FANCA: variants seen among roughly 807,000 people sequenced by gnomAD.
FANCA encodes FA complementation group A.
FANCA carries 236 observed loss-of-function variants against 194.3 expected under a neutral mutation model. The observed-to-expected ratio is 1.21, with a 90% CI of 1.09 to 1.35. The LOEUF (loss-of-function observed/expected upper bound fraction) is 1.35, where lower values mean the gene tolerates loss of function less well. Ranked by LOEUF, FANCA falls within the 40% of genes most tolerant of loss-of-function variation. The probability of loss-of-function intolerance (pLI) is 0.00; values close to 1 mark genes in which losing one functional copy is unlikely to be tolerated. For synonymous variants in FANCA, 1,014 were observed against 715.8 expected (o/e 1.42, Z -6.65); for missense variants, 2,628 against 1,813.9 (o/e 1.45, Z -8.15).
At chr16:89,779,433 A>G (rs1015159888) in intron 18 of FANCA, among the ~76,000 whole-genome samples, 1 of 152,038 alleles carries the variant, frequency 6.6e-6, no homozygotes, top group Non-Finnish European at 1.5e-5. Context: ...TACTGACTCC[A>G]TATTGGTCAC....
intron 21 of FANCA, 69 bp downstream of exon 21, chr16:89,775,673 A>G: frequency 7.6e-7 from 1 of 1,313,188 alleles, no homozygotes; most frequent in South Asian, 1.2e-5. Flanking sequence ...GTGTAGCACA[A>G]CAGACACTCA....
In FANCA at chr16:89,816,631, A is replaced by G. The variant is rs1309241098; in HGVS notation, c.-16T>C. The G allele has an allele frequency of 6.6e-7, 1 of 1,517,852 alleles. No homozygotes were observed. The highest frequency in any genetic ancestry group is 1.2e-5 in the South Asian group (1 of 82,316). The allele number at this position is 1,517,852 out of a possible 1,614,324, so 94.0% of individuals were successfully genotyped here. ...AGTCGGACATGGCCTTGGCGCCTAC[A>G]GCCCCGGCGGCGGCTCCCTGCGCCC... is the stretch of plus-strand genomic sequence containing the variant. On this transcript the variant is annotated 5_prime_UTR_variant, in exon 1 of 43. Transcript: ENST00000389301.
chr16:89,782,994 A>AG lies in FANCA; in HGVS notation c.1566+12dup. Reference sequence around the variant, plus strand: ...GGACAGGTGTGAGGAGTGGGCATGGAGGGACAGCTTGCCTTGAGGTCGGCC... The same window carrying AG: ...GGACAGGTGTGAGGAGTGGGCATGGAGGGGACAGCTTGCCTTGAGGTCGGCC... On this transcript the variant is annotated intron_variant, in intron 16 of 42. Transcript: ENST00000389301. 6.2e-7 allele frequency: 1 copy of AG among 1,613,322 alleles called. No individual in the cohort carries two copies. The highest frequency in any genetic ancestry group is 8.5e-7 in the Non-Finnish European group (1 of 1,179,240).
chr16:89,816,307 A>C, intron 1 of FANCA: 1 of 243,760 alleles, frequency 4.1e-6, no homozygotes. Flanking sequence ...GCGTTCGGGA[A>C]AGAAGGGAGC....
intron 17 of FANCA, among the ~76,000 whole-genome samples, chr16:89,782,316 T>C (rs189684510): frequency 1.6e-3 from 244 of 151,088 alleles, no homozygotes; most frequent in East Asian, 9.2e-3. Context: ...TTGAGACCAT[T>C]CTGGCTAACA....
chr16:89,770,140 G>A, intron 25 of FANCA, 26 bp downstream of exon 25: 1 of 1,575,000 alleles, frequency 6.3e-7, no homozygotes, highest in Non-Finnish European at 8.6e-7. Flanking sequence ...GCCCCCAAGG[G>A]TGGCCCCCAT....
rs2038406980 is a variant in FANCA at position 89,746,817 on chromosome 16, A to AG, written c.3408+13dup. 6.4e-7 allele frequency: 1 copy of AG among 1,569,274 alleles called. No individual in the cohort carries two copies. On this transcript the variant is annotated intron_variant, in intron 34 of 42. Transcript: ENST00000389301. ...TCTGAGAAGGCCACGAGAGGGGCTGAGGGAGCATCTCACCCTGAAGAAGTG... is the reference window on the plus strand; with the variant it reads ...TCTGAGAAGGCCACGAGAGGGGCTGAGGGGAGCATCTCACCCTGAAGAAGTG...
Position 89,769,893 on chromosome 16 carries a change from C to T in FANCA, c.2448G>A (p.Ala816=), listed in dbSNP as rs752705496. 9.9e-6 allele frequency: 16 copies of T among 1,613,982 alleles called. No homozygotes were observed. Among genetic ancestry groups the T allele is most frequent in the South Asian group, 4.4e-5 (4 of 91,082 alleles). ...PAPGAGLPVP[A]LFDSLLTCRT... is the part of the protein sequence containing the mutation. Reference sequence around the variant, plus strand: ...TACAGGTCAGGAGGCTGTCAAAGAGCGCAGGGACAGGAAGGCCAGCACCAG... The same window carrying T: ...TACAGGTCAGGAGGCTGTCAAAGAGTGCAGGGACAGGAAGGCCAGCACCAG... Residue 816 remains alanine (A), a synonymous_variant, in exon 26 of 43, where the codon GCG becomes GCA. Coordinates refer to ENST00000389301, the MANE Select transcript of FANCA (RefSeq NM_000135.4).
chr16:89,797,440 A>T (rs1408895785), intron 10 of FANCA, among the ~76,000 whole-genome samples: 2 of 152,184 alleles, frequency 1.3e-5, no homozygotes, highest in Non-Finnish European at 2.9e-5. Flanking sequence ...AACTCAAGAC[A>T]CTCACACAAC....
In FANCA at chr16:89,770,432, A is replaced by G. The variant is rs999464732; in HGVS notation, c.2222+132T>C. ...TGCTTCCCAACTTCTGCTGCGTCCTATTTGATGAAACTCAGCATCGCCGCA... is the reference window on the plus strand; with the variant it reads ...TGCTTCCCAACTTCTGCTGCGTCCTGTTTGATGAAACTCAGCATCGCCGCA... On this transcript the variant is annotated intron_variant, in intron 24 of 42. Transcript: ENST00000389301. 4 of 1,037,124 alleles carry G rather than the reference A, an allele frequency of 3.9e-6. No individual in the cohort carries two copies. In the Admixed American group the frequency reaches 8.0e-5, roughly 21 times the overall value. 64.2% of individuals were successfully genotyped at this position (1,037,124 alleles called of 1,614,324 possible).
At position 89,810,999 on chromosome 16, in the gene FANCA, G is replaced by A. The variant is rs751309143; in HGVS notation, c.356C>T (p.Ser119Phe). ...AGCCGTGCAGATCTGTCCCACGCTA[G>A]AGGCAACCATCCCGGCTGAGAGAAT... ...VGILSAGMVA[S>F]SVGQICTAPA... Residue 119 changes from serine to phenylalanine, a missense_variant, in exon 4 of 43, where the codon TCT becomes TTT. Coordinates refer to ENST00000389301, the MANE Select transcript of FANCA (RefSeq NM_000135.4). The A allele has an allele frequency of 1.2e-6, 2 of 1,614,080 alleles. No individual in the cohort carries two copies. The highest frequency in any genetic ancestry group is 8.5e-7 in the Non-Finnish European group (1 of 1,180,038).
At chr16:89,745,171 C>A in intron 35 of FANCA, 100 bp from the exon 36 acceptor site, 1 of 1,105,384 alleles carries the variant, frequency 9.0e-7, no homozygotes, top group Non-Finnish European at 1.3e-6. Context: ...CAGGCCACTA[C>A]AGGCCCACAC....
At chr16:89,791,303 T>A in intron 14 of FANCA, 100 bp downstream of exon 14, 1 of 1,491,824 alleles carries the variant, frequency 6.7e-7, no homozygotes. Flanking sequence ...GCAAGGTTGC[T>A]CACTCACATG....
intron 14 of FANCA, among the ~76,000 whole-genome samples, chr16:89,787,667 T>C (rs529370572): frequency 1.2e-4 from 18 of 151,796 alleles, no homozygotes; most frequent in South Asian, 4.2e-4. Flanking sequence ...GCCTGGAAGG[T>C]TGAGACTGCA....
At chr16:89,778,742 C>A in intron 20 of FANCA, 59 bp downstream of exon 20, 2 of 1,491,292 alleles carry the variant, frequency 1.3e-6, no homozygotes, top group Non-Finnish European at 1.9e-6. Context: ...ATCCACAATT[C>A]TTCGCATTGT....
At position 89,738,449 on chromosome 16, in the gene FANCA, G is replaced by C; in HGVS notation, c.*152C>G. ...TTTCCCGCAAACGCTGAGTGACTCG[G>C]GGCCGGACAGTTCATAAATAATTGA... On this transcript the variant is annotated 3_prime_UTR_variant, in exon 43 of 43. Transcript: ENST00000389301. 7.2e-7 allele frequency: 1 copy of C among 1,397,966 alleles called. No homozygotes were observed. 86.6% of individuals were successfully genotyped at this position (1,397,966 alleles called of 1,614,324 possible). A position where few individuals can be genotyped will look rare whatever the true frequency, so the allele number is the denominator to read the frequency against.
intron 7 of FANCA, among the ~76,000 whole-genome samples, chr16:89,804,151 G>C (rs141736835): frequency 9.9e-5 from 15 of 152,164 alleles, no homozygotes; most frequent in Non-Finnish European, 5.9e-5. Context: ...CCAGGTTATA[G>C]TAGCTCAGGA....
chr16:89,769,616 T>A (rs541888933), intron 26 of FANCA: 1 of 610,886 alleles, frequency 1.6e-6, no homozygotes, highest in East Asian at 2.9e-5. Flanking sequence ...TTTCAGCAGT[T>A]TAGTATAATA....
chr16:89,761,776 G>C (rs879093498), intron 29 of FANCA, among the ~76,000 whole-genome samples, 173 bp downstream of exon 29: 5 of 152,106 alleles, frequency 3.3e-5, no homozygotes, highest in African/African-American at 1.2e-4. Flanking sequence ...GGAACGTGCC[G>C]CATGTCCGGC....
Sources: gnomAD v4.1 joint callset for allele counts (sites outside exome capture counted in the v4.1 genomes callset) on GRCh38, gnomAD v4.1.1 for gene constraint, MANE v1.5 for transcripts, NCBI Gene and HGNC (gene_info 2026-07-23, HGNC 2026-07-21) for gene names.